The following SVIP variants were observed in gnomAD, a reference collection of about 807,000 sequenced individuals.
SVIP encodes the protein small VCP/p97-interacting protein.
SVIP carries 14 observed loss-of-function variants against 12.9 expected under a neutral mutation model. That is an observed-to-expected ratio of 1.08 (90% confidence interval 0.72 to 1.70). The LOEUF (loss-of-function observed/expected upper bound fraction) is 1.70, where lower values mean the gene tolerates loss of function less well. Ranked by LOEUF, SVIP falls within the 40% of genes most tolerant of loss-of-function variation. SVIP has a pLI of 0.00. For synonymous variants in SVIP, 35 were observed against 33.3 expected (o/e 1.05, Z -0.17); for missense variants, 93 against 90.8 (o/e 1.02, Z -0.10).
At position 22,826,936 on chromosome 11, in the gene SVIP, ATTAT is replaced by A. The variant is rs149884651; in HGVS notation, c.219+267_219+270del. 9.4e-4 allele frequency among the ~76,000 whole-genome samples: 143 copies of A among 152,202 alleles called. 1 individual carries two copies. The East Asian group carries it at 0.026, about 27-fold the overall frequency. On this transcript the variant is annotated intron_variant, in intron 3 of 3. Coordinates refer to ENST00000354193, the MANE Select transcript of SVIP (RefSeq NM_148893.3). Reference sequence around the variant, plus strand: ...TTCTCCATATTGCTTGAATTTTTGAATTATTTAAGATTAGTAGTAAGCATAAGAG... The same window carrying A: ...TTCTCCATATTGCTTGAATTTTTGAATTAAGATTAGTAGTAAGCATAAGAG...
chr11:22,824,505 T>TAG (rs774565798), intron 3 of SVIP, among the ~76,000 whole-genome samples: 1 of 147,868 alleles, frequency 6.8e-6, no homozygotes, highest in Non-Finnish European at 1.5e-5. Context: ...TACGTATATA[T>TAG]ATACACACAT....
At chr11:22,823,713 G>A (rs1857564072) in intron 3 of SVIP, among the ~76,000 whole-genome samples, 1 of 152,066 alleles carries the variant, frequency 6.6e-6, no homozygotes, top group African/African-American at 2.4e-5. Flanking sequence ...CTCACTCCAC[G>A]TTAAATGTTT....
chr11:22,829,786 C>T lies in SVIP; in HGVS notation c.-38G>A, dbSNP rs551379533. 5.3e-4 allele frequency: 828 copies of T among 1,575,452 alleles called. 8 individuals are homozygous for T. The South Asian group carries it at 8.8e-3, about 17-fold the overall frequency. On this transcript the variant is annotated 5_prime_UTR_variant, in exon 1 of 4. Coordinates refer to ENST00000354193, the MANE Select transcript of SVIP (RefSeq NM_148893.3). ...TTGAGAACCCTGACCGGGTCCGGCC[C>T]AGGCCAGGCGGCGCTAACTGCGCGG...
Position 22,827,307 on chromosome 11 carries a change from C to A in SVIP, c.119G>T (p.Gly40Val). ...TTGCACAGATTGAACATCTAAAATT[C>A]CCCGAGATGCAGCCTTGAAGAAATT... ...ERRQKEAASRGILDVQSVQEK... is the reference protein window; with the variant it reads ...ERRQKEAASRVILDVQSVQEK... Residue 40 changes from glycine (G) to valine (V), a missense_variant, in exon 3 of 4, where the codon GGA (glycine) becomes GTA (valine). Transcript: ENST00000354193. 1 of 1,595,350 alleles carries A rather than the reference C, an allele frequency of 6.3e-7. No individual in the cohort carries two copies. Among genetic ancestry groups the A allele is most frequent in the South Asian group, 1.1e-5 (1 of 87,338 alleles).
chr11:22,826,873 TG>T (rs1857726910), intron 3 of SVIP, among the ~76,000 whole-genome samples: 1 of 152,166 alleles, frequency 6.6e-6, no homozygotes, highest in South Asian at 2.1e-4. Flanking sequence ...TCTGTCAAAA[TG>T]GTACTTAGTT....
chr11:22,829,656 A>T, intron 1 of SVIP, 39 bp downstream of exon 1: 1 of 1,555,148 alleles, frequency 6.4e-7, no homozygotes, highest in Non-Finnish European at 8.7e-7. Context: ...CAGGTGCTCA[A>T]GGCGCGGCCC....
At position 22,823,091 on chromosome 11, in the gene SVIP, C is replaced by G; in HGVS notation, c.*28G>C. The G allele has an allele frequency of 6.4e-7, 1 of 1,569,828 alleles. No homozygotes were observed. Among genetic ancestry groups the G allele is most frequent in the South Asian group, 1.2e-5 (1 of 85,514 alleles). ...ATTGCAGATAATAAACAGTTATTGG[C>G]AGTAGATTCTTCTACTCATGTTATG... On this transcript the variant is annotated 3_prime_UTR_variant, in exon 4 of 4. Transcript: ENST00000354193.
chr11:22,827,701 T>G, intron 2 of SVIP, 123 bp downstream of exon 2: 1 of 596,862 alleles, frequency 1.7e-6, no homozygotes, highest in Non-Finnish European at 2.8e-6. Context: ...ATAATTACAT[T>G]TAAATGTAAA....
rs1857506805 is a variant in SVIP at position 22,822,071 on chromosome 11, CT to C, written c.*1047del. 1 of 152,066 alleles carries C rather than the reference CT, an allele frequency of 6.6e-6. No homozygotes were observed. Among genetic ancestry groups the C allele is most frequent in the African/African-American group, 2.4e-5 (1 of 41,414 alleles). 9.4% of individuals were successfully genotyped at this position (152,066 alleles called of 1,614,324 possible). ...TCAGCCTTAATAGCTAACACAAATT[CT>C]TTTATTTCAGTGTATTATATAGGAG... On this transcript the variant is annotated 3_prime_UTR_variant, in exon 4 of 4. Coordinates refer to ENST00000354193, the MANE Select transcript of SVIP (RefSeq NM_148893.3).
intron 3 of SVIP, 140 bp from the exon 4 acceptor site, chr11:22,823,273 A>G: frequency 1.7e-6 from 1 of 600,846 alleles, no homozygotes; most frequent in Non-Finnish European, 2.8e-6. Flanking sequence ...CTATTCATAA[A>G]ATTTTACATT....
rs987549746 is a variant in SVIP at position 22,824,822 on chromosome 11, C to G, written c.220-1689G>C. On this transcript the variant is annotated intron_variant, in intron 3 of 3. Coordinates refer to ENST00000354193, the MANE Select transcript of SVIP (RefSeq NM_148893.3). ...AGTCCTGATGGCTAAACCCTACTCT[C>G]AGAGACTGACTGGTGTGAGGTGGAG... Among the ~76,000 whole-genome samples the G allele has an allele frequency of 2.3e-3, 355 of 152,224 alleles. 1 individual carries two copies. The highest frequency in any genetic ancestry group is 8.3e-3 in the African/African-American group (343 of 41,542).
rs780582606 is a variant in SVIP at position 22,829,708 on chromosome 11, G to C, written c.41C>G (p.Pro14Arg). ...TGCTCTACTCACCAGGTCCGGCGTGGGAGGCGCGGACTCCCCGGGACAAGG... is the reference window on the plus strand; with the variant it reads ...TGCTCTACTCACCAGGTCCGGCGTGCGAGGCGCGGACTCCCCGGGACAAGG... ...CFPCPGESAP[P>R]TPDLEEKRAK... The change falls in exon 1 of 4, where the codon CCC becomes CGC. Residue 14 changes from proline (P) to arginine (R), a missense_variant. Physicochemically the swap from Pro to Arg is moderately radical, Grantham distance 103 (BLOSUM62 -2). Transcript: ENST00000354193. 2 of 1,605,368 alleles carry C rather than the reference G, an allele frequency of 1.2e-6. No homozygotes were observed. The highest frequency in any genetic ancestry group is 2.7e-5 in the African/African-American group (2 of 74,718).
chr11:22,825,168 C>T (rs532408243), intron 3 of SVIP, among the ~76,000 whole-genome samples: 18 of 152,058 alleles, frequency 1.2e-4, no homozygotes, highest in African/African-American at 4.3e-4. Context: ...GAAGAGTCTT[C>T]CTAACCTTCC....
At chr11:22,827,395 C>G in intron 2 of SVIP, 75 bp from the exon 3 acceptor site, 1 of 1,255,240 alleles carries the variant, frequency 8.0e-7, no homozygotes, top group Non-Finnish European at 1.1e-6. Context: ...TTTTGTCTAT[C>G]TTTGCTTTCT....
Position 22,827,127 on chromosome 11 carries a change from A to G in SVIP, c.219+80T>C. Reference sequence around the variant, plus strand: ...AAATTTTCTGATAATACATTTCAGGAGAAAATTATGAATGGATTGCTACTT... The same window carrying G: ...AAATTTTCTGATAATACATTTCAGGGGAAAATTATGAATGGATTGCTACTT... On this transcript the variant is annotated intron_variant, in intron 3 of 3. Transcript: ENST00000354193. 5 of 1,093,314 alleles carry G rather than the reference A, an allele frequency of 4.6e-6. No individual in the cohort carries two copies. The South Asian group carries it at 6.7e-5, about 15-fold the overall frequency. 67.7% of individuals were successfully genotyped at this position (1,093,314 alleles called of 1,614,324 possible).
chr11:22,821,791 TAGAAA>T lies in SVIP; in HGVS notation c.*1323_*1327del, dbSNP rs1363067298. Reference sequence around the variant, plus strand: ...ATTCACACAATATTTCACACCATAATAGAAAAAATAATTTTTCCATGAGAAGTCAA... The same window carrying T: ...ATTCACACAATATTTCACACCATAATAAATAATTTTTCCATGAGAAGTCAA... On this transcript the variant is annotated 3_prime_UTR_variant, in exon 4 of 4. Transcript: ENST00000354193. The T allele has an allele frequency of 6.6e-6, 1 of 152,164 alleles. No homozygotes were observed. The highest frequency in any genetic ancestry group is 2.4e-5 in the African/African-American group (1 of 41,446). The allele number at this position is 152,164 out of a possible 1,614,324, so 9.4% of individuals were successfully genotyped here.
chr11:22,828,812 G>A (rs1857827944), intron 1 of SVIP, among the ~76,000 whole-genome samples: 1 of 152,138 alleles, frequency 6.6e-6, no homozygotes, highest in Non-Finnish European at 1.5e-5. Context: ...AGTAGCTGAA[G>A]AGTTAATGTA....
chr11:22,824,435 TAC>T (rs1491080078), intron 3 of SVIP, among the ~76,000 whole-genome samples: 110 of 74,354 alleles, frequency 1.5e-3, no homozygotes, highest in East Asian at 7.4e-3. Context: ...TATATATATA[TAC>T]ACACACACAT....
In SVIP at chr11:22,819,483, C is replaced by T. The variant is rs1228278037; in HGVS notation, c.*3636G>A. ...ACAAATTTGGTATTATAAATATAGC[C>T]AATGCAGGCCGGGCGCGGTGGCTCA... On this transcript the variant is annotated 3_prime_UTR_variant, in exon 4 of 4. Coordinates refer to ENST00000354193, the MANE Select transcript of SVIP (RefSeq NM_148893.3). The T allele has an allele frequency of 6.6e-6, 1 of 152,132 alleles. No homozygotes were observed. Among genetic ancestry groups the T allele is most frequent in the Non-Finnish European group, 1.5e-5 (1 of 68,038 alleles). 9.4% of individuals were successfully genotyped at this position (152,132 alleles called of 1,614,324 possible).
Sources: allele counts gnomAD v4.1 joint callset (sites outside exome capture counted in the v4.1 genomes callset), GRCh38; gene constraint gnomAD v4.1.1; transcripts MANE v1.5; gene names NCBI Gene and HGNC (gene_info 2026-07-23, HGNC 2026-07-21).